MITF: variants seen among roughly 807,000 people sequenced by gnomAD.
The protein encoded by MITF is melanocyte inducing transcription factor.
Under a neutral mutation model 60.5 loss-of-function variants are expected in MITF, and 17 were observed. The observed-to-expected ratio is 0.28, with a 90% CI of 0.19 to 0.42. The LOEUF (loss-of-function observed/expected upper bound fraction) is 0.42. Among genes scored for constraint, MITF ranks in the 10% least tolerant of loss-of-function variants. The pLI is 1.00. For missense variants in MITF, 622 were observed against 683.5 expected, an observed-to-expected ratio of 0.91 and a Z score of 1.00; for synonymous variants, 260 against 248.5, an observed-to-expected ratio of 1.05 and a Z score of -0.43.
intron 1 of MITF, among the ~76,000 whole-genome samples, chr3:69,794,841 C>T (rs1305574917): frequency 2.0e-5 from 3 of 152,140 alleles, no homozygotes; most frequent in Non-Finnish European, 4.4e-5. Context: ...TTGAACTCCA[C>T]GGAAATGGAA....
At chr3:69,864,891 C>T (rs958083193) in intron 1 of MITF, among the ~76,000 whole-genome samples, 4 of 152,154 alleles carry the variant, frequency 2.6e-5, no homozygotes, top group Non-Finnish European at 4.4e-5. Context: ...AGATCTCAGA[C>T]CAGAAGTCCC....
intron 1 of MITF, among the ~76,000 whole-genome samples, chr3:69,852,351 A>G (rs760199141): frequency 6.6e-6 from 1 of 152,204 alleles, no homozygotes; most frequent in Non-Finnish European, 1.5e-5. Context: ...AAGTATAATC[A>G]CTATCCTGAC....
chr3:69,937,671 A>G (rs1289171342), intron 2 of MITF, 151 bp from the exon 3 acceptor site: 1 of 714,890 alleles, frequency 1.4e-6, no homozygotes, highest in East Asian at 2.7e-5. Flanking sequence ...TAATATCAAA[A>G]TCCGTTAGCA....
Position 69,966,190 on chromosome 3 carries a change from CATT to C in MITF, c.*943_*945del, listed in dbSNP as rs750090282. On this transcript the variant is annotated 3_prime_UTR_variant, in exon 10 of 10. Coordinates refer to ENST00000352241, the MANE Select transcript of MITF (RefSeq NM_001354604.2). ...TTGATTTGTACAGATTCTTTATTAT[CATT>C]GTTCTTTTCAATATATTTGTATTAA... 8.6e-6 allele frequency: 2 copies of C among 232,188 alleles called. No homozygotes were observed. The highest frequency in any genetic ancestry group is 1.7e-5 in the Non-Finnish European group (2 of 117,344). The allele number at this position is 232,188 out of a possible 1,614,324, so 14.4% of individuals were successfully genotyped here.
At chr3:69,908,441 C>G (rs2065149099) in intron 2 of MITF, among the ~76,000 whole-genome samples, 1 of 152,126 alleles carries the variant, frequency 6.6e-6, no homozygotes, top group African/African-American at 2.4e-5. Context: ...ACACCAGCCC[C>G]ATTTTTTAAA....
At chr3:69,938,107 A>G in intron 3 of MITF, 58 bp downstream of exon 3, 1 of 1,541,736 alleles carries the variant, frequency 6.5e-7, no homozygotes, top group Non-Finnish European at 8.9e-7. Flanking sequence ...TGTCTGTTGA[A>G]TATGATTCCC....
At chr3:69,960,833 G>C (rs946101149) in intron 9 of MITF, among the ~76,000 whole-genome samples, 3 of 152,146 alleles carry the variant, frequency 2.0e-5, no homozygotes, top group Non-Finnish European at 2.9e-5. Flanking sequence ...CCAGTCTTCT[G>C]AATGCTTATA....
intron 1 of MITF, among the ~76,000 whole-genome samples, chr3:69,840,571 C>G (rs992853638): frequency 6.6e-6 from 1 of 151,744 alleles, no homozygotes; most frequent in Admixed American, 6.6e-5. Flanking sequence ...AATGACTTAC[C>G]AAAGAGCTTT....
At chr3:69,896,226 C>T (rs1481191584) in intron 2 of MITF, among the ~76,000 whole-genome samples, 2 of 152,120 alleles carry the variant, frequency 1.3e-5, no homozygotes, top group African/African-American at 2.4e-5. Flanking sequence ...TAGTCAAAGA[C>T]AAGTTTTATC....
intron 1 of MITF, among the ~76,000 whole-genome samples, chr3:69,782,105 C>A (rs2062574860): frequency 6.6e-6 from 1 of 152,198 alleles, no homozygotes; most frequent in Non-Finnish European, 1.5e-5. Context: ...CTAGGAATGG[C>A]AGCCCCTGGC....
At chr3:69,911,559 A>G (rs1263363434) in intron 2 of MITF, among the ~76,000 whole-genome samples, 1 of 152,232 alleles carries the variant, frequency 6.6e-6, no homozygotes, top group African/African-American at 2.4e-5. Context: ...CCATATTGAT[A>G]ACATAAATAA....
chr3:69,906,001 T>C (rs1329652717), intron 2 of MITF, among the ~76,000 whole-genome samples: 1 of 152,194 alleles, frequency 6.6e-6, no homozygotes, highest in African/African-American at 2.4e-5. Flanking sequence ...TCATTGGTTT[T>C]GTAAATTAAT....
intron 1 of MITF, among the ~76,000 whole-genome samples, chr3:69,812,867 G>T (rs143917556): frequency 6.6e-6 from 1 of 152,214 alleles, no homozygotes; most frequent in East Asian, 1.9e-4. Context: ...CAATGGGAAA[G>T]GTTTACAATT....
chr3:69,906,091 G>T (rs532836339), intron 2 of MITF, among the ~76,000 whole-genome samples: 15 of 152,230 alleles, frequency 9.9e-5, no homozygotes, highest in Non-Finnish European at 1.9e-4. Flanking sequence ...CTTTTAGAAT[G>T]TTATAGTTTT....
chr3:69,752,495 GT>G (rs1210608847), intron 1 of MITF: 7 of 152,320 alleles, frequency 4.6e-5, no homozygotes, highest in East Asian at 3.9e-4. Flanking sequence ...TAGCAAAGAG[GT>G]TGGCTGCATT....
intron 1 of MITF, among the ~76,000 whole-genome samples, chr3:69,784,640 T>A (rs1182546282): frequency 6.6e-6 from 1 of 152,142 alleles, no homozygotes; most frequent in Non-Finnish European, 1.5e-5. Flanking sequence ...AAATTACTTT[T>A]TTGAGGAAGC....
intron 1 of MITF, among the ~76,000 whole-genome samples, chr3:69,823,993 C>G (rs1172405238): frequency 5.3e-5 from 8 of 152,190 alleles, no homozygotes; most frequent in Non-Finnish European, 1.2e-4. Flanking sequence ...ACAGTTACCA[C>G]ATTCATGTAA....
At chr3:69,935,195 A>G (rs745839344) in intron 2 of MITF, among the ~76,000 whole-genome samples, 1 of 152,222 alleles carries the variant, frequency 6.6e-6, no homozygotes, top group Non-Finnish European at 1.5e-5. Context: ...TTTATAGGCC[A>G]TCTGCTTTCA....
chr3:69,936,175 T>C (rs1236997225), intron 2 of MITF, among the ~76,000 whole-genome samples: 1 of 152,158 alleles, frequency 6.6e-6, no homozygotes, highest in Non-Finnish European at 1.5e-5. Context: ...GAGTCTCTTC[T>C]CTTCTATACT....
Sources: allele counts gnomAD v4.1 joint callset (sites outside exome capture counted in the v4.1 genomes callset), GRCh38; gene constraint gnomAD v4.1.1; transcripts MANE v1.5; gene names NCBI Gene and HGNC (gene_info 2026-07-23, HGNC 2026-07-21).